The following CPAMD8 variants were observed in gnomAD, a reference collection of about 807,000 sequenced individuals.
CPAMD8 encodes C3 and PZP-like alpha-2-macroglobulin domain-containing protein 8.
CPAMD8 carries 146 observed loss-of-function variants against 224.7 expected under a neutral mutation model. That is an observed-to-expected ratio of 0.65 (90% CI 0.57 to 0.75). CPAMD8 has a LOEUF of 0.75. Among genes scored for constraint, CPAMD8 ranks in the 30% least tolerant of loss-of-function variants. The probability of loss-of-function intolerance (pLI) is 0.00; values close to 1 mark genes in which losing one functional copy is unlikely to be tolerated. For synonymous variants in CPAMD8, 966 were observed against 1,044.6 expected, an observed-to-expected ratio of 0.92 and a Z score of 1.45; for missense variants, 2,301 against 2,537.5, an observed-to-expected ratio of 0.91 and a Z score of 2.00.
chr19:16,962,915 A>G (rs560188109), intron 18 of CPAMD8, among the ~76,000 whole-genome samples: 2 of 152,324 alleles, frequency 1.3e-5, no homozygotes, highest in Non-Finnish European at 2.9e-5. Flanking sequence ...AGAATTCTCA[A>G]TCCAGAATTT....
rs1404669884 is a variant in CPAMD8 at position 16,975,108 on chromosome 19, A to T, written c.2059T>A (p.Phe687Ile). ...WPWGITKDSG[F>I]AFTETGLVVM... ...CCACCTCTCCTTACGGTGAAGGCAA[A>T]CCCAGAGTCCTTGGTGATGCCCCAA... Residue 687 changes from phenylalanine to isoleucine, a missense_variant, in exon 17 of 42, where the codon TTT (phenylalanine) becomes ATT (isoleucine). Transcript: ENST00000443236. The T allele has an allele frequency of 6.2e-7, 1 of 1,612,162 alleles. No homozygotes were observed. The highest frequency in any genetic ancestry group is 8.5e-7 in the Non-Finnish European group (1 of 1,179,758).
intron 39 of CPAMD8, among the ~76,000 whole-genome samples, chr19:16,897,128 A>G (rs1475111607): frequency 1.8e-5 from 1 of 55,290 alleles, no homozygotes; most frequent in African/African-American, 7.8e-5. Context: ...CCCACCACAA[A>G]TCCCGCCCCT....
At chr19:16,940,056 G>T (rs4362492) in intron 22 of CPAMD8, among the ~76,000 whole-genome samples, 41,443 of 151,736 alleles carry the variant, frequency 0.27, 5,787 homozygotes, top group African/African-American at 0.3. Context: ...GGGATTACAG[G>T]CACCACCACC....
chr19:16,943,727 A>G (rs1300541970), intron 22 of CPAMD8, among the ~76,000 whole-genome samples: 2 of 152,148 alleles, frequency 1.3e-5, no homozygotes, highest in Non-Finnish European at 2.9e-5. Flanking sequence ...ACTGTTATAA[A>G]TGCCTGTGTG....
At chr19:16,914,135 G>T (rs972166238) in intron 29 of CPAMD8, among the ~76,000 whole-genome samples, 8 of 152,160 alleles carry the variant, frequency 5.3e-5, no homozygotes, top group Non-Finnish European at 1.2e-4. Flanking sequence ...TCTGAAGGAG[G>T]TCTAGGGGCT....
intron 27 of CPAMD8, among the ~76,000 whole-genome samples, chr19:16,917,373 G>A (rs764192193): frequency 6.6e-6 from 1 of 152,222 alleles, no homozygotes; most frequent in Non-Finnish European, 1.5e-5. Flanking sequence ...CACATGGGAA[G>A]CTGTGTATGG....
At chr19:16,896,084 C>T (rs539487270) in intron 41 of CPAMD8, 92 bp downstream of exon 41, 1 of 1,140,586 alleles carries the variant, frequency 8.8e-7, no homozygotes, top group Admixed American at 2.7e-5. Flanking sequence ...GCGGAGGAGT[C>T]GGGGCAGGTC....
At chr19:16,948,868 A>G (rs796518974) in intron 20 of CPAMD8, among the ~76,000 whole-genome samples, 3,721 of 28,596 alleles carry the variant, frequency 0.13, 278 homozygotes, top group African/African-American at 0.18. Context: ...GAGGGAAAGG[A>G]AAGGGAAGGG....
intron 1 of CPAMD8, 103 bp downstream of exon 1, chr19:17,026,448 A>C: frequency 8.2e-7 from 1 of 1,225,828 alleles, no homozygotes; most frequent in Non-Finnish European, 1.1e-6. Context: ...CCCAGCGCGG[A>C]GGCTGTGTGG....
chr19:17,019,808 A>T (rs1418203228), intron 3 of CPAMD8, among the ~76,000 whole-genome samples: 4 of 151,510 alleles, frequency 2.6e-5, no homozygotes, highest in Non-Finnish European at 4.4e-5. Context: ...GGCTCCAGAG[A>T]TCAACCCACC....
intron 11 of CPAMD8, among the ~76,000 whole-genome samples, chr19:16,995,808 A>G (rs770964292): frequency 4.6e-5 from 7 of 152,092 alleles, no homozygotes; most frequent in Non-Finnish European, 1.0e-4. Context: ...TGAGCCCAGG[A>G]GTTCAAGACC....
Position 16,975,211 on chromosome 19 carries a change from C to T in CPAMD8, c.1956G>A (p.Val652=), listed in dbSNP as rs768661565. The T allele has an allele frequency of 1.8e-5, 29 of 1,610,464 alleles. No homozygotes were observed. The highest frequency in any genetic ancestry group is 2.4e-5 in the Non-Finnish European group (28 of 1,178,308). The change falls in exon 17 of 42, where the codon GTG becomes GTA. Residue 652 remains valine (V), a synonymous_variant. Transcript: ENST00000443236. The stretch of plus-strand genomic sequence containing the variant: ...ACCAAAAAGGACCATCCTCCCTGGA[C>T]ACGCCAAAGGAATCAGAAACATCAT... ...EDYDVSDSFG[V]SREDGPFWWA...
intron 27 of CPAMD8, among the ~76,000 whole-genome samples, chr19:16,915,450 A>G (rs757929621): frequency 1.3e-5 from 2 of 152,070 alleles, no homozygotes; most frequent in Non-Finnish European, 2.9e-5. Context: ...TTAGCCAACC[A>G]TAGCACCTCC....
chr19:17,014,006 C>G (rs2056740833), intron 3 of CPAMD8, among the ~76,000 whole-genome samples: 2 of 106,008 alleles, frequency 1.9e-5, no homozygotes, highest in African/African-American at 6.0e-5. Flanking sequence ...TTCCTTCCCT[C>G]CCTCCCTCCC....
intron 3 of CPAMD8, among the ~76,000 whole-genome samples, chr19:17,012,326 TTTTC>T (rs371903606): frequency 0.02 from 2,964 of 145,598 alleles, 49 homozygotes; most frequent in South Asian, 0.038. Flanking sequence ...GCCATATCTT[TTTTC>T]TTTCTTTCTT....
chr19:16,897,914 G>T lies in CPAMD8; in HGVS notation c.4929C>A (p.Val1643=). 1 of 1,610,784 alleles carries T rather than the reference G, an allele frequency of 6.2e-7. No homozygotes were observed. The highest frequency in any genetic ancestry group is 8.5e-7 in the Non-Finnish European group (1 of 1,179,278). ...CVVGRTSALP[V]SVYDYYEPAF... The stretch of plus-strand genomic sequence containing the variant: ...CGGGTTCGTAGTAGTCGTACACGGA[G>T]ACTGGCAGCGCCGACGTCCTGCCCA... Residue 1643 remains valine, a synonymous_variant, in exon 38 of 42, where the codon GTC becomes GTA. Coordinates refer to ENST00000443236, the MANE Select transcript of CPAMD8 (RefSeq NM_015692.5).
In CPAMD8 at chr19:17,020,324, G is replaced by A. The variant is rs777997581; in HGVS notation, c.267+7C>T. ...CAGGTTTATGATTTTAAAAATCAACGGCTTACCTTGAGTTTGATTGTCCCT... is the reference window on the plus strand; with the variant it reads ...CAGGTTTATGATTTTAAAAATCAACAGCTTACCTTGAGTTTGATTGTCCCT... On this transcript the variant is annotated splice_region_variant and intron_variant, in intron 3 of 41. Transcript: ENST00000443236. 18 of 1,580,800 alleles carry A rather than the reference G, an allele frequency of 1.1e-5. No homozygotes were observed. Among genetic ancestry groups the A allele is most frequent in the Admixed American group, 5.0e-5 (3 of 59,618 alleles).
chr19:17,026,752 T>G lies in CPAMD8; in HGVS notation c.-110A>C, dbSNP rs2057097151. The G allele has an allele frequency of 8.3e-7, 1 of 1,199,258 alleles. No individual in the cohort carries two copies. The highest frequency in any genetic ancestry group is 1.0e-6 in the Non-Finnish European group (1 of 967,974). 74.3% of individuals were successfully genotyped at this position (1,199,258 alleles called of 1,614,324 possible). ...CGCGCCGCCGCCGGGGGCCCTTTGT[T>G]CGCAGCCCCCGCGCAGTGCGCCCGG... On this transcript the variant is annotated 5_prime_UTR_variant, in exon 1 of 42. Coordinates refer to ENST00000443236, the MANE Select transcript of CPAMD8 (RefSeq NM_015692.5).
At chr19:16,978,670 G>C (rs781623480) in intron 14 of CPAMD8, among the ~76,000 whole-genome samples, 34 of 152,150 alleles carry the variant, frequency 2.2e-4, no homozygotes, top group Non-Finnish European at 4.6e-4. Flanking sequence ...CAGTGCATGG[G>C]ATGGTCCCAA....
Sources: allele counts gnomAD v4.1 joint callset (sites outside exome capture counted in the v4.1 genomes callset), GRCh38; gene constraint gnomAD v4.1.1; transcripts MANE v1.5; gene names NCBI Gene and HGNC (gene_info 2026-07-23, HGNC 2026-07-21).